MROH2A: variants seen among roughly 807,000 people sequenced by gnomAD.
MROH2A encodes the protein maestro heat like repeat family member 2A, also known as maestro heat-like repeat-containing protein family member 2A.
A neutral mutation model predicts 200.4 loss-of-function variants in MROH2A; 174 were observed. That is an observed-to-expected ratio of 0.87 (90% CI 0.77 to 0.98). MROH2A has a LOEUF of 0.98. MROH2A is among the 50% of genes least tolerant of loss of function. The probability of loss-of-function intolerance (pLI) is 0.00; values close to 1 mark genes in which losing one functional copy is unlikely to be tolerated. For missense variants in MROH2A, 2,045 were observed against 2,139.6 expected (o/e 0.96, Z 0.87); for synonymous variants, 829 against 840.4 (o/e 0.99, Z 0.23).
chr2:233,803,303 C>T (rs148092585), intron 15 of MROH2A, 145 bp from the exon 16 acceptor site: 3 of 783,236 alleles, frequency 3.8e-6, no homozygotes, highest in Non-Finnish European at 6.2e-6. Context: ...TTCCCTGTGC[C>T]AACCCATTCT....
chr2:233,819,494 CAG>C, intron 30 of MROH2A, 25 bp downstream of exon 30: 2 of 1,546,912 alleles, frequency 1.3e-6, no homozygotes, highest in South Asian at 1.2e-5. Context: ...GCAGGGCCAC[CAG>C]AGAGAGGGGC....
At chr2:233,785,246 G>C (rs1330570730) in intron 3 of MROH2A, among the ~76,000 whole-genome samples, 1 of 152,106 alleles carries the variant, frequency 6.6e-6, no homozygotes, top group Non-Finnish European at 1.5e-5. Context: ...GCTGGGTATG[G>C]TGGCTCATGC....
At chr2:233,794,787 A>C (rs1702001774) in intron 8 of MROH2A, among the ~76,000 whole-genome samples, 1 of 152,166 alleles carries the variant, frequency 6.6e-6, no homozygotes, top group Non-Finnish European at 1.5e-5. Context: ...GGTTGCTGTA[A>C]CAAAGAACCA....
chr2:233,822,762 C>T, intron 33 of MROH2A, 119 bp from the exon 34 acceptor site: 1 of 1,332,150 alleles, frequency 7.5e-7, no homozygotes, highest in African/African-American at 1.5e-5. Context: ...GGACCTTTCC[C>T]TCAGTCCCTT....
At chr2:233,811,669 C>T (rs192653410) in intron 23 of MROH2A, among the ~76,000 whole-genome samples, 170 of 152,348 alleles carry the variant, frequency 1.1e-3, no homozygotes, top group Non-Finnish European at 1.8e-3. Flanking sequence ...AGATGAGCAG[C>T]GCGAGCTGGG....
At chr2:233,786,638 A>G (rs1346711325) in intron 3 of MROH2A, among the ~76,000 whole-genome samples, 2 of 152,186 alleles carry the variant, frequency 1.3e-5, no homozygotes, top group Admixed American at 6.5e-5. Flanking sequence ...ACTTGTTACT[A>G]TCTCTAGGAA....
At chr2:233,808,445 A>G (rs1702944183) in intron 21 of MROH2A, among the ~76,000 whole-genome samples, 2 of 152,178 alleles carry the variant, frequency 1.3e-5, no homozygotes, top group African/African-American at 4.8e-5. Context: ...CTGAGCTCCT[A>G]GTGGGAAACC....
intron 14 of MROH2A, among the ~76,000 whole-genome samples, chr2:233,801,719 A>G (rs1302632146): frequency 6.6e-6 from 1 of 152,180 alleles, no homozygotes; most frequent in East Asian, 1.9e-4. Flanking sequence ...CTTCACAACA[A>G]CACCTAGATT....
intron 31 of MROH2A, 151 bp from the exon 32 acceptor site, chr2:233,821,973 C>A (rs901159851): frequency 1.2e-6 from 1 of 852,360 alleles, no homozygotes. Flanking sequence ...GTTCTAAGCA[C>A]GCAAATTTTG....
chr2:233,788,050 A>T (rs1367050391), intron 3 of MROH2A, among the ~76,000 whole-genome samples: 1 of 77,264 alleles, frequency 1.3e-5, no homozygotes. Flanking sequence ...CATATATATT[A>T]TATATACATA....
At chr2:233,806,138 C>T (rs1211843317) in intron 19 of MROH2A, among the ~76,000 whole-genome samples, 2 of 152,084 alleles carry the variant, frequency 1.3e-5, no homozygotes, top group Non-Finnish European at 2.9e-5. Context: ...TAAGGAAGAA[C>T]ATGTTCTTCC....
At chr2:233,799,687 G>C in intron 12 of MROH2A, 93 bp from the exon 13 acceptor site, 1 of 1,491,112 alleles carries the variant, frequency 6.7e-7, no homozygotes, top group African/African-American at 1.4e-5. Flanking sequence ...TTCTAGCCCA[G>C]AGCACCCCCA....
At position 233,822,238 on chromosome 2, in the gene MROH2A, C is replaced by T. The variant is rs1703992430; in HGVS notation, c.3627C>T (p.Thr1209=). 1.3e-6 allele frequency: 2 copies of T among 1,547,886 alleles called. No individual in the cohort carries two copies. The highest frequency in any genetic ancestry group is 3.9e-5 in the Admixed American group (2 of 50,988). ...GGCTCAGCCCCAGAATCAGTGCCACCTCCAAGGCTGACATCTGGCGCCTGG... is the reference window on the plus strand; with the variant it reads ...GGCTCAGCCCCAGAATCAGTGCCACTTCCAAGGCTGACATCTGGCGCCTGG... The part of the protein sequence containing the change: ...QSRLSPRISA[T]SKADIWRLAA... Residue 1209 remains threonine, a synonymous_variant, in exon 32 of 42, where the codon ACC becomes ACT. Transcript: ENST00000389758.
Position 233,792,461 on chromosome 2 carries a change from T to C in MROH2A, c.572-335T>C, listed in dbSNP as rs528392936. 5.3e-4 allele frequency among the ~76,000 whole-genome samples: 80 copies of C among 152,130 alleles called. 1 individual carries two copies. The highest frequency in any genetic ancestry group is 1.9e-3 in the South Asian group (9 of 4,812). On this transcript the variant is annotated intron_variant, in intron 5 of 41. Transcript: ENST00000389758. ...CCGAGTGGTTGAGACTACAGGCGCC[T>C]GCCAACACGCCCGGCCAATTTTTTG...
rs762740230 is a variant in MROH2A, at chr2:233,800,166, C to A, written c.1450-39C>A. 9 of 1,439,834 alleles carry A rather than the reference C, an allele frequency of 6.3e-6. No homozygotes were observed. The South Asian group carries it at 1.0e-4, about 17-fold the overall frequency. The allele number at this position is 1,439,834 out of a possible 1,614,324, so 89.2% of individuals were successfully genotyped here. A position where few individuals can be genotyped will look rare whatever the true frequency, so the allele number is the denominator to read the frequency against. ...CACCTGAGACCACGACAAACCTCTG[C>A]TAGGCCACAGGTGGGAATCCCTTGG... On this transcript the variant is annotated intron_variant, in intron 13 of 41. Transcript: ENST00000389758.
chr2:233,829,514 GA>G, intron 37 of MROH2A, 105 bp from the exon 38 acceptor site: 1 of 1,121,128 alleles, frequency 8.9e-7, no homozygotes, highest in South Asian at 2.4e-5. Flanking sequence ...GAATGATCCA[GA>G]AGGCTCTGCA....
chr2:233,792,393 A>G (rs1372891625), intron 5 of MROH2A, among the ~76,000 whole-genome samples: 2 of 151,156 alleles, frequency 1.3e-5, no homozygotes, highest in African/African-American at 2.4e-5. Context: ...GCTCACTGCA[A>G]GCTCCGCCTC....
rs1252793708 is a variant in MROH2A at position 233,819,949 on chromosome 2, C to A, written c.3405C>A (p.Asp1135Glu). 1 of 1,539,124 alleles carries A rather than the reference C, an allele frequency of 6.5e-7. No individual in the cohort carries two copies. The highest frequency in any genetic ancestry group is 2.5e-5 in the East Asian group (1 of 40,514). The change falls in exon 31 of 42, where the codon GAC (aspartate) becomes GAA (glutamate). Residue 1135 changes from aspartate to glutamate, a missense_variant. By Grantham distance (45) the Asp-to-Glu change is conservative. This residue lies in a region of MROH2A where 1,201 missense variants were observed against 1,311.3 expected (regional missense o/e 0.92). Coordinates refer to ENST00000389758, the MANE Select transcript of MROH2A (RefSeq NM_001394639.1). The stretch of plus-strand genomic sequence containing the variant: ...TCCTGGTGCACCTGCCGGTGGTGGA[C>A]CACCCAGAGGTGCGGCGCCTTCTCA... ...SAILVHLPVV[D>E]HPEVRRLLID...
chr2:233,786,135 G>A (rs915251325), intron 3 of MROH2A, among the ~76,000 whole-genome samples: 2 of 152,086 alleles, frequency 1.3e-5, no homozygotes, highest in Non-Finnish European at 2.9e-5. Context: ...ATTCTCTCTT[G>A]CTTGCTGCCA....
Sources: allele counts gnomAD v4.1 joint callset (sites outside exome capture counted in the v4.1 genomes callset), GRCh38; gene constraint gnomAD v4.1.1; regional missense constraint gnomAD v4.1.1; transcripts MANE v1.5; gene names NCBI Gene and HGNC (gene_info 2026-07-23, HGNC 2026-07-21).